The following PPP1R9A variants were observed in gnomAD, a reference collection of about 807,000 sequenced individuals.
The protein encoded by PPP1R9A is protein phosphatase 1 regulatory subunit 9A, also known as neurabin-1.
PPP1R9A carries 59 observed loss-of-function variants against 141.9 expected under a neutral mutation model. The ratio of observed to expected loss-of-function variants is 0.42; its 90% CI spans 0.34 to 0.52. The LOEUF (loss-of-function observed/expected upper bound fraction) is 0.52. Among genes scored for constraint, PPP1R9A ranks in the 20% least tolerant of loss-of-function variants. The pLI is 0.10. For missense variants in PPP1R9A, 1,444 were observed against 1,611.9 expected, an observed-to-expected ratio of 0.90 and a Z score of 1.78; for synonymous variants, 500 against 569.7, an observed-to-expected ratio of 0.88 and a Z score of 1.74.
chr7:95,065,917 T>C (rs1812871978), intron 2 of PPP1R9A, among the ~76,000 whole-genome samples: 1 of 152,190 alleles, frequency 6.6e-6, no homozygotes, highest in African/African-American at 2.4e-5. Context: ...CACTGGCTCA[T>C]GTGGTCACTA....
chr7:95,281,175 A>G (rs1804158092), intron 16 of PPP1R9A, among the ~76,000 whole-genome samples: 1 of 152,196 alleles, frequency 6.6e-6, no homozygotes, highest in South Asian at 2.1e-4. Context: ...ACATCAGTTC[A>G]TGGGGTTTTA....
intron 2 of PPP1R9A, among the ~76,000 whole-genome samples, chr7:94,936,645 T>G (rs557567239): frequency 1.8e-4 from 24 of 133,738 alleles, no homozygotes; most frequent in African/African-American, 6.5e-4. Flanking sequence ...GGGGAGACTG[T>G]GTAGGGGTGT....
intron 16 of PPP1R9A, among the ~76,000 whole-genome samples, chr7:95,277,501 C>G (rs1406255068): frequency 6.6e-6 from 1 of 152,148 alleles, no homozygotes; most frequent in Admixed American, 6.5e-5. Flanking sequence ...ACAATCACAG[C>G]TCATTGCAGC....
At chr7:95,254,934 T>G (rs1206837670) in intron 12 of PPP1R9A, among the ~76,000 whole-genome samples, 1 of 152,216 alleles carries the variant, frequency 6.6e-6, no homozygotes, top group Non-Finnish European at 1.5e-5. Flanking sequence ...TTATTAAAAT[T>G]TTGATAACAA....
At chr7:95,019,248 A>T (rs944349650) in intron 2 of PPP1R9A, among the ~76,000 whole-genome samples, 20 of 152,122 alleles carry the variant, frequency 1.3e-4, no homozygotes, top group Non-Finnish European at 2.8e-4. Context: ...TACAAAAATT[A>T]GTTGGGTGTG....
chr7:94,974,269 A>G (rs1019720569), intron 2 of PPP1R9A, among the ~76,000 whole-genome samples: 3 of 152,214 alleles, frequency 2.0e-5, no homozygotes, highest in Non-Finnish European at 4.4e-5. Context: ...TTTTAAAGGC[A>G]GTCTCGGCAT....
intron 2 of PPP1R9A, among the ~76,000 whole-genome samples, chr7:95,101,866 A>G (rs1818841644): frequency 6.6e-6 from 1 of 152,074 alleles, no homozygotes; most frequent in South Asian, 2.1e-4. Context: ...TAATCTTTAC[A>G]TTTCCTTTTC....
chr7:95,205,233 T>A (rs1039467590), intron 7 of PPP1R9A, among the ~76,000 whole-genome samples: 1 of 152,210 alleles, frequency 6.6e-6, no homozygotes, highest in Admixed American at 6.5e-5. Context: ...TTTAAAAAAA[T>A]TATGATGCAA....
chr7:95,211,053 C>T lies in PPP1R9A; in HGVS notation c.1956+7323C>T, dbSNP rs183844540. On this transcript the variant is annotated intron_variant, in intron 7 of 19. Transcript: ENST00000433360. ...AGGAGAAATACCTAATGTAGATGAC[C>T]GGTTGATGGGTGCAGCAAACCACCA... 1.3e-4 allele frequency among the ~76,000 whole-genome samples: 20 copies of T among 151,540 alleles called. No homozygotes were observed. In the East Asian group the frequency reaches 3.1e-3, roughly 24 times the overall value.
chr7:95,108,910 T>C (rs766704511), intron 2 of PPP1R9A: 14 of 152,210 alleles, frequency 9.2e-5, no homozygotes, highest in Non-Finnish European at 1.9e-4. Context: ...GAATACTGTT[T>C]AAACCATTGT....
intron 6 of PPP1R9A, among the ~76,000 whole-genome samples, chr7:95,201,972 C>T (rs1272224543): frequency 6.6e-6 from 1 of 152,154 alleles, no homozygotes; most frequent in East Asian, 1.9e-4. Context: ...ATCAAATCAT[C>T]CAAAGTTGAT....
chr7:94,937,590 A>G (rs1384664537), intron 2 of PPP1R9A, among the ~76,000 whole-genome samples: 1 of 152,150 alleles, frequency 6.6e-6, no homozygotes, highest in Non-Finnish European at 1.5e-5. Context: ...ACATTTCAGA[A>G]GCTTGTCATG....
intron 5 of PPP1R9A, among the ~76,000 whole-genome samples, chr7:95,166,237 A>G (rs994311890): frequency 6.6e-6 from 1 of 152,140 alleles, no homozygotes; most frequent in African/African-American, 2.4e-5. Flanking sequence ...TACCTCTAGT[A>G]ATATGGAAAG....
At chr7:95,231,386 T>A (rs907803340) in intron 8 of PPP1R9A, among the ~76,000 whole-genome samples, 1 of 152,104 alleles carries the variant, frequency 6.6e-6, no homozygotes, top group Non-Finnish European at 1.5e-5. Flanking sequence ...AACTATACCC[T>A]ACAACAAATG....
Position 94,987,860 on chromosome 7 carries a change from A to G in PPP1R9A, c.1395+76352A>G, listed in dbSNP as rs144145791. Reference sequence around the variant, plus strand: ...TCTTATTACATACATTTGAGATGTTATTCAGATTTCCAGCTTTATTCTCTT... The same window carrying G: ...TCTTATTACATACATTTGAGATGTTGTTCAGATTTCCAGCTTTATTCTCTT... On this transcript the variant is annotated intron_variant, in intron 2 of 19. Coordinates refer to ENST00000433360, the MANE Select transcript of PPP1R9A (RefSeq NM_001166160.2). Among the ~76,000 whole-genome samples, 519 of 152,202 alleles carry G rather than the reference A, an allele frequency of 3.4e-3. 3 individuals are homozygous for G. Among genetic ancestry groups the G allele is most frequent in the African/African-American group, 0.012 (487 of 41,558 alleles).
intron 12 of PPP1R9A, among the ~76,000 whole-genome samples, chr7:95,262,680 C>T (rs535303445): frequency 1.3e-5 from 2 of 152,132 alleles, no homozygotes; most frequent in Admixed American, 6.5e-5. Context: ...TATCAGATTG[C>T]ACCAGAGAAG....
intron 2 of PPP1R9A, among the ~76,000 whole-genome samples, chr7:95,068,438 C>G (rs1813273229): frequency 7.7e-6 from 1 of 129,862 alleles, no homozygotes; most frequent in African/African-American, 3.0e-5. Context: ...CCATTACACT[C>G]CAGCCTGGGT....
At chr7:95,132,951 G>A (rs1824932399) in intron 4 of PPP1R9A, among the ~76,000 whole-genome samples, 1 of 152,196 alleles carries the variant, frequency 6.6e-6, no homozygotes, top group Non-Finnish European at 1.5e-5. Flanking sequence ...CCTTCTTCGT[G>A]TTACAGATCG....
intron 2 of PPP1R9A, among the ~76,000 whole-genome samples, chr7:95,069,928 C>T (rs1461343136): frequency 6.6e-6 from 1 of 152,136 alleles, no homozygotes; most frequent in East Asian, 1.9e-4. Flanking sequence ...CTACTATATG[C>T]TGTTCATGTT....
Sources: gnomAD v4.1 joint callset for allele counts (sites outside exome capture counted in the v4.1 genomes callset) on GRCh38, gnomAD v4.1.1 for gene constraint, MANE v1.5 for transcripts, NCBI Gene and HGNC (gene_info 2026-07-23, HGNC 2026-07-21) for gene names.